Variants in PDCD2L observed in about 807,000 individuals in gnomAD.
PDCD2L encodes the protein programmed cell death 2 like.
In PDCD2L, 44 loss-of-function variants were observed where a neutral mutation model predicts 40.4. The observed-to-expected ratio is 1.09, with a 90% CI of 0.86 to 1.40. The LOEUF (loss-of-function observed/expected upper bound fraction) is 1.40, where lower values mean the gene tolerates loss of function less well. Among genes scored for constraint, PDCD2L ranks in the 40% most tolerant of loss-of-function variants. The probability of loss-of-function intolerance (pLI) is 0.00; values close to 1 mark genes in which losing one functional copy is unlikely to be tolerated. For synonymous variants in PDCD2L, 194 were observed against 174.6 expected, an observed-to-expected ratio of 1.11 and a Z score of -0.88; for missense variants, 470 against 453.7, an observed-to-expected ratio of 1.04 and a Z score of -0.33.
chr19:34,420,088 G>A (rs543786345), intron 5 of PDCD2L, among the ~76,000 whole-genome samples: 83 of 152,060 alleles, frequency 5.5e-4, no homozygotes, highest in African/African-American at 1.9e-3. Context: ...AGGTTTAAGC[G>A]ATTCTGCAGC....
chr19:34,406,432 C>T (rs187581685), intron 3 of PDCD2L, among the ~76,000 whole-genome samples: 6 of 151,344 alleles, frequency 4.0e-5, no homozygotes, highest in South Asian at 2.1e-4. Flanking sequence ...GTTGCCCAGG[C>T]TGGAGTGCAG....
chr19:34,421,474 G>A (rs768470201), intron 5 of PDCD2L, 45 bp from the exon 6 acceptor site: 4 of 1,604,164 alleles, frequency 2.5e-6, no homozygotes, highest in African/African-American at 2.7e-5. Context: ...GCTAGAATGC[G>A]ACTTGTGTGG....
intron 5 of PDCD2L, among the ~76,000 whole-genome samples, chr19:34,418,209 G>A (rs1195071206): frequency 6.6e-6 from 1 of 152,188 alleles, no homozygotes; most frequent in Non-Finnish European, 1.5e-5. Context: ...ATACACCCCT[G>A]AAATCACAAC....
At chr19:34,419,141 T>A (rs753795065) in intron 5 of PDCD2L, among the ~76,000 whole-genome samples, 13 of 152,128 alleles carry the variant, frequency 8.5e-5, no homozygotes, top group Non-Finnish European at 1.6e-4. Context: ...ATTGGTATTG[T>A]TGGGTTAATT....
intron 3 of PDCD2L, among the ~76,000 whole-genome samples, chr19:34,407,534 G>T (rs1181476650): frequency 6.6e-6 from 1 of 151,958 alleles, no homozygotes; most frequent in Non-Finnish European, 1.5e-5. Flanking sequence ...TTGTCTTTGT[G>T]TCTGGCTTAT....
intron 5 of PDCD2L, among the ~76,000 whole-genome samples, chr19:34,420,796 A>G (rs1377312575): frequency 1.3e-5 from 2 of 151,758 alleles, no homozygotes; most frequent in Non-Finnish European, 2.9e-5. Flanking sequence ...TATCTAAAAA[A>G]AAAAAAAAAA....
intron 6 of PDCD2L, among the ~76,000 whole-genome samples, chr19:34,422,785 A>G (rs2075158283): frequency 6.6e-6 from 1 of 150,588 alleles, no homozygotes; most frequent in Non-Finnish European, 1.5e-5. Context: ...GCATAATCTC[A>G]GCTCACTGCA....
intron 4 of PDCD2L, among the ~76,000 whole-genome samples, chr19:34,411,028 C>T (rs1459967308): frequency 6.6e-6 from 1 of 151,864 alleles, no homozygotes; most frequent in African/African-American, 2.4e-5. Context: ...CGTGATCCAC[C>T]TGCCTTGGCC....
rs551087443 is a variant in PDCD2L at position 34,406,255 on chromosome 19, A to G, written c.336+1265A>G. Among the ~76,000 whole-genome samples, 11 of 152,352 alleles carry G rather than the reference A, an allele frequency of 7.2e-5. No individual in the cohort carries two copies. In the East Asian group the frequency reaches 2.1e-3, roughly 29 times the overall value. On this transcript the variant is annotated intron_variant, in intron 3 of 6. Transcript: ENST00000246535. ...GTATAAATTTATGAGGTATAAAGTG[A>G]TGGCTATGATTCATGAATATCATGT...
chr19:34,421,830 C>G (rs1390513573), intron 6 of PDCD2L, among the ~76,000 whole-genome samples, 163 bp downstream of exon 6: 8 of 151,742 alleles, frequency 5.3e-5, no homozygotes, highest in Non-Finnish European at 1.0e-4. Context: ...TGGCTCATGC[C>G]TGTAATCCCA....
Position 34,413,428 on chromosome 19 carries a change from C to T in PDCD2L, c.687-309C>T, listed in dbSNP as rs372029173. On this transcript the variant is annotated intron_variant, in intron 4 of 6. Transcript: ENST00000246535. ...TCGGCTCACTGCAACTTCCGCTTCC[C>T]GGGTTCAAGCGATTTCCTCTGCCTC... 9.9e-5 allele frequency among the ~76,000 whole-genome samples: 15 copies of T among 151,068 alleles called. No individual in the cohort carries two copies. In the East Asian group the frequency reaches 1.6e-3, roughly 16 times the overall value.
chr19:34,414,474 CTTTTTTTTTTT>C (rs35413401), intron 5 of PDCD2L, among the ~76,000 whole-genome samples: 4 of 39,790 alleles, frequency 1.0e-4, no homozygotes, highest in Non-Finnish European at 1.4e-4. Context: ...CCATGCCTGG[CTTTTTTTTTTT>C]TTTTTTTTTT....
In PDCD2L at chr19:34,411,983, T is replaced by A. The variant is rs867386209; in HGVS notation, c.687-1754T>A. Among the ~76,000 whole-genome samples, 625 of 145,298 alleles carry A rather than the reference T, an allele frequency of 4.3e-3. 3 individuals carry two copies. The highest frequency in any genetic ancestry group is 0.015 in the African/African-American group (585 of 40,094). ...AAATACATATATATATATATATATATAAAATAAATAATAAAATATATATAT... is the reference window on the plus strand; with the variant it reads ...AAATACATATATATATATATATATAAAAAATAAATAATAAAATATATATAT... On this transcript the variant is annotated intron_variant, in intron 4 of 6. Coordinates refer to ENST00000246535, the MANE Select transcript of PDCD2L (RefSeq NM_032346.2).
chr19:34,404,531 G>A lies in PDCD2L; in HGVS notation c.101G>A (p.Gly34Asp), dbSNP rs868382284. ...GCCTGGACTGCTAGCAAGCTGGGCGGCATTCCGGTGAGGGCGGGTGCCGGA... is the reference window on the plus strand; with the variant it reads ...GCCTGGACTGCTAGCAAGCTGGGCGACATTCCGGTGAGGGCGGGTGCCGGA... ...PGAWTASKLG[G>D]IPDALPTVAA... is the part of the protein sequence containing the mutation. The change falls in exon 1 of 7, where the codon GGC (glycine) becomes GAC (aspartate). Residue 34 changes from glycine (G) to aspartate (D), a missense_variant. Coordinates refer to ENST00000246535, the MANE Select transcript of PDCD2L (RefSeq NM_032346.2). The A allele has an allele frequency of 1.9e-6, 3 of 1,545,012 alleles. No individual in the cohort carries two copies. The highest frequency in any genetic ancestry group is 1.9e-5 in the Admixed American group (1 of 51,442).
At chr19:34,410,327 C>G (rs1301490079) in intron 4 of PDCD2L, among the ~76,000 whole-genome samples, 1 of 152,216 alleles carries the variant, frequency 6.6e-6, no homozygotes, top group African/African-American at 2.4e-5. Flanking sequence ...TCTCGGCTCA[C>G]TGCAACCTCC....
intron 4 of PDCD2L, among the ~76,000 whole-genome samples, chr19:34,413,327 A>ATTTT (rs34915589): frequency 6.6e-4 from 65 of 98,810 alleles, no homozygotes; most frequent in Non-Finnish European, 7.1e-4. Flanking sequence ...GGCGTGATTG[A>ATTTT]TTTTTTTTTT....
At position 34,409,443 on chromosome 19, in the gene PDCD2L, G is replaced by C; in HGVS notation, c.619G>C (p.Ala207Pro). ...DYRDFVNLDH[A>P]HSLLRDYQQR... Reference sequence around the variant, plus strand: ...CAGGGACTTTGTCAACCTGGATCATGCCCACAGCCTTCTGAGGGACTATCA... The same window carrying C: ...CAGGGACTTTGTCAACCTGGATCATCCCCACAGCCTTCTGAGGGACTATCA... Residue 207 changes from alanine to proline, a missense_variant, in exon 4 of 7, where the codon GCC becomes CCC. Coordinates refer to ENST00000246535, the MANE Select transcript of PDCD2L (RefSeq NM_032346.2). The C allele has an allele frequency of 6.2e-7, 1 of 1,614,196 alleles. No homozygotes were observed.
At chr19:34,419,568 A>G in intron 5 of PDCD2L, among the ~76,000 whole-genome samples, 1 of 151,224 alleles carries the variant, frequency 6.6e-6, no homozygotes. Flanking sequence ...TCCTGGACTC[A>G]AGCAGTTCCC....
At chr19:34,405,143 G>GTTTTTTTT in intron 3 of PDCD2L, among the ~76,000 whole-genome samples, 153 bp downstream of exon 3, 2 of 111,078 alleles carry the variant, frequency 1.8e-5, no homozygotes, top group Non-Finnish European at 3.5e-5. Context: ...TTTTCGTAAA[G>GTTTTTTTT]TTTTTTTTTT....
Sources: allele counts gnomAD v4.1 joint callset (sites outside exome capture counted in the v4.1 genomes callset), GRCh38; gene constraint gnomAD v4.1.1; transcripts MANE v1.5; gene names NCBI Gene and HGNC (gene_info 2026-07-23, HGNC 2026-07-21).